The following RGS6 variants were observed in gnomAD, a reference collection of about 807,000 sequenced individuals.
RGS6 encodes regulator of G-protein signaling 6.
Under a neutral mutation model 78.5 loss-of-function variants are expected in RGS6, and 30 were observed. The observed-to-expected ratio is 0.38, with a 90% CI of 0.29 to 0.52. The LOEUF (loss-of-function observed/expected upper bound fraction) is 0.52. Ranked by LOEUF, RGS6 falls within the 20% of genes least tolerant of loss-of-function variation. The pLI is 0.85. For synonymous variants in RGS6, 206 were observed against 206.0 expected, an observed-to-expected ratio of 1.00 and a Z score of 0.00; for missense variants, 495 against 609.7, an observed-to-expected ratio of 0.81 and a Z score of 1.98.
At chr14:72,628,106 C>T in the RGS6 span, among the ~76,000 whole-genome samples, 1 of 151,992 alleles carries the variant, frequency 6.6e-6, no homozygotes, top group Non-Finnish European at 1.5e-5. Flanking sequence ...TAATTAAATT[C>T]TCCTGTCTAA....
chr14:71,957,100 T>C (rs2092846042), intron 1 of RGS6, among the ~76,000 whole-genome samples: 1 of 152,112 alleles, frequency 6.6e-6, no homozygotes, highest in Admixed American at 6.5e-5. Flanking sequence ...GGAAAAAGCT[T>C]CAGGTGAGGA....
the RGS6 span, among the ~76,000 whole-genome samples, chr14:71,919,996 AAAAAT>A: frequency 2.6e-5 from 4 of 152,322 alleles, no homozygotes; most frequent in East Asian, 3.9e-4. Flanking sequence ...TCTGTCTCAA[AAAAAT>A]AAAATAAAAT....
chr14:72,413,381 G>T (rs568175805), intron 3 of RGS6, among the ~76,000 whole-genome samples: 3 of 152,238 alleles, frequency 2.0e-5, no homozygotes, highest in Admixed American at 6.5e-5. Flanking sequence ...TCAGAGACTA[G>T]GATTGCAACC....
chr14:71,977,650 G>A (rs994784527), intron 2 of RGS6, among the ~76,000 whole-genome samples: 80 of 150,050 alleles, frequency 5.3e-4, no homozygotes, highest in African/African-American at 1.8e-3. Flanking sequence ...GTACCATGCT[G>A]TTTTGGTTAC....
chr14:72,110,446 AGAGAG>A (rs970511235), intron 2 of RGS6, among the ~76,000 whole-genome samples: 3 of 152,244 alleles, frequency 2.0e-5, no homozygotes, highest in East Asian at 1.9e-4. Flanking sequence ...CATACACAGA[AGAGAG>A]GAGAGGAGAG....
the RGS6 span, among the ~76,000 whole-genome samples, chr14:71,896,521 G>T: frequency 6.6e-6 from 1 of 152,298 alleles, no homozygotes; most frequent in East Asian, 1.9e-4. Flanking sequence ...TTATCAGCAA[G>T]GTCTTTATGA....
intron 2 of RGS6, among the ~76,000 whole-genome samples, chr14:72,194,661 C>T (rs535138423): frequency 1.3e-5 from 2 of 152,052 alleles, no homozygotes; most frequent in Non-Finnish European, 2.9e-5. Context: ...TGTGCCCGGC[C>T]TGGTTTACAT....
intron 2 of RGS6, among the ~76,000 whole-genome samples, chr14:72,281,330 G>A (rs1365049765): frequency 6.6e-6 from 1 of 151,814 alleles, no homozygotes; most frequent in African/African-American, 2.4e-5. Flanking sequence ...TGTATTTTTA[G>A]TAGAGCTGGG....
chr14:72,134,430 A>G (rs2096394649), intron 2 of RGS6, among the ~76,000 whole-genome samples: 1 of 152,198 alleles, frequency 6.6e-6, no homozygotes, highest in Admixed American at 6.5e-5. Context: ...CACTTCAACA[A>G]TGTTGAGGCT....
At chr14:72,434,694 A>G (rs536285080) in intron 3 of RGS6, among the ~76,000 whole-genome samples, 2 of 152,290 alleles carry the variant, frequency 1.3e-5, no homozygotes, top group East Asian at 3.9e-4. Context: ...AGCAGTCAAC[A>G]TAGTCCTAGA....
intron 2 of RGS6, among the ~76,000 whole-genome samples, chr14:71,968,111 C>G (rs1455937039): frequency 1.3e-5 from 2 of 152,156 alleles, no homozygotes; most frequent in Non-Finnish European, 2.9e-5. Context: ...CATGAAGACA[C>G]CCAGACCTGT....
chr14:72,609,111 G>A, the RGS6 span, among the ~76,000 whole-genome samples: 6 of 152,206 alleles, frequency 3.9e-5, no homozygotes, highest in African/African-American at 1.4e-4. Flanking sequence ...AGTCAACATT[G>A]CTAACCAATC....
At chr14:72,093,226 A>G (rs967933324) in intron 2 of RGS6, among the ~76,000 whole-genome samples, 1 of 152,072 alleles carries the variant, frequency 6.6e-6, no homozygotes, top group Non-Finnish European at 1.5e-5. Flanking sequence ...TGAAACGACT[A>G]TATGTAGTGT....
intron 2 of RGS6, among the ~76,000 whole-genome samples, chr14:72,177,633 A>T (rs2097123849): frequency 6.6e-6 from 1 of 152,232 alleles, no homozygotes; most frequent in Admixed American, 6.5e-5. Context: ...CTCTAGCACA[A>T]TACGAAATAA....
intron 1 of RGS6, among the ~76,000 whole-genome samples, chr14:71,934,866 T>C (rs551000903): frequency 6.6e-6 from 1 of 152,336 alleles, no homozygotes; most frequent in African/African-American, 2.4e-5. Context: ...CAGGAATTGC[T>C]GAACATTCTG....
intron 2 of RGS6, among the ~76,000 whole-genome samples, chr14:72,348,940 G>T (rs1475299523): frequency 6.6e-6 from 1 of 152,186 alleles, no homozygotes; most frequent in Admixed American, 6.5e-5. Flanking sequence ...GCCAAGGTGG[G>T]CAGATCACAA....
intron 2 of RGS6, among the ~76,000 whole-genome samples, chr14:72,249,884 T>C (rs924692340): frequency 6.6e-6 from 1 of 151,952 alleles, no homozygotes; most frequent in Non-Finnish European, 1.5e-5. Flanking sequence ...ATGTGGCACA[T>C]ATACACCATG....
intron 2 of RGS6, among the ~76,000 whole-genome samples, chr14:72,037,957 G>A (rs11848830): frequency 0.13 from 19,679 of 151,826 alleles, 1,328 homozygotes; most frequent in East Asian, 0.17. Context: ...ATACCATGCT[G>A]TCTTTATTTT....
At chr14:72,157,376 C>T (rs779600994) in intron 2 of RGS6, among the ~76,000 whole-genome samples, 9 of 152,118 alleles carry the variant, frequency 5.9e-5, no homozygotes, top group East Asian at 1.9e-4. Flanking sequence ...TTGGGTTCCT[C>T]GGTGGACATG....
Sources: gnomAD v4.1 joint callset for allele counts (sites outside exome capture counted in the v4.1 genomes callset) on GRCh38, gnomAD v4.1.1 for gene constraint, MANE v1.5 for transcripts, NCBI Gene and HGNC (gene_info 2026-07-23, HGNC 2026-07-21) for gene names.